TET3: variants seen among roughly 807,000 people sequenced by gnomAD.
TET3 encodes methylcytosine dioxygenase TET3.
TET3 carries 19 observed loss-of-function variants against 141.4 expected under a neutral mutation model. The ratio of observed to expected loss-of-function variants is 0.13; its 90% CI spans 0.09 to 0.20. The LOEUF (loss-of-function observed/expected upper bound fraction) is 0.20, where lower values mean the gene tolerates loss of function less well. Ranked by LOEUF, TET3 falls within the 10% of genes least tolerant of loss-of-function variation. The probability of loss-of-function intolerance (pLI) is 1.00; values close to 1 mark genes in which losing one functional copy is unlikely to be tolerated. For missense variants in TET3, 1,874 were observed against 2,356.9 expected, an observed-to-expected ratio of 0.80 and a Z score of 4.24; for synonymous variants, 1,043 against 980.9, an observed-to-expected ratio of 1.06 and a Z score of -1.18.
intron 3 of TET3, among the ~76,000 whole-genome samples, chr2:74,011,992 G>A (rs1685460403): frequency 6.6e-6 from 1 of 152,128 alleles, no homozygotes; most frequent in Non-Finnish European, 1.5e-5. Context: ...ACAGGGTCTG[G>A]CCCTGCCGCC....
intron 2 of TET3, among the ~76,000 whole-genome samples, chr2:74,001,535 T>G (rs1392184712): frequency 6.6e-6 from 1 of 152,158 alleles, no homozygotes; most frequent in African/African-American, 2.4e-5. Flanking sequence ...TACAACCAGC[T>G]AGGTAGTGAT....
chr2:74,123,678 C>T, the TET3 span, among the ~76,000 whole-genome samples: 1 of 152,176 alleles, frequency 6.6e-6, no homozygotes, highest in Non-Finnish European at 1.5e-5. Context: ...CCGGCCACCA[C>T]CCCGTCTGGG....
At position 74,105,583 on chromosome 2, in the gene TET3, C is replaced by T. The variant is rs1334060982; in HGVS notation, c.*3407C>T. The T allele has an allele frequency of 7.6e-6, 3 of 394,644 alleles. No homozygotes were observed. Among genetic ancestry groups the T allele is most frequent in the Non-Finnish European group, 1.3e-5 (3 of 223,326 alleles). 24.4% of individuals were successfully genotyped at this position (394,644 alleles called of 1,614,324 possible). On this transcript the variant is annotated 3_prime_UTR_variant, in exon 12 of 12. Coordinates refer to ENST00000409262, the MANE Select transcript of TET3 (RefSeq NM_001287491.2). ...TCATGGGTACTGCTTTGCCTTCTCA[C>T]CAAGGTGACGATGGTGTGCGTGGAA...
chr2:74,034,575 T>TAA lies in TET3; in HGVS notation c.361-11685_361-11684dup, dbSNP rs57991784. The stretch of plus-strand genomic sequence containing the variant: ...ACATATGTAGTCCTCGAGCATTGAT[T>TAA]AAAAAAAAAAAAAAAAAAACCCTGT... On this transcript the variant is annotated intron_variant, in intron 3 of 11. Coordinates refer to ENST00000409262, the MANE Select transcript of TET3 (RefSeq NM_001287491.2). 8.9e-3 allele frequency among the ~76,000 whole-genome samples: 1,155 copies of TAA among 130,038 alleles called. 35 individuals are homozygous for TAA. In the East Asian group the frequency reaches 0.11, roughly 13 times the overall value. The allele number at this position is 130,038 out of a possible 152,430, so 85.3% of individuals were successfully genotyped here. A position where few individuals can be genotyped will look rare whatever the true frequency, so the allele number is the denominator to read the frequency against.
chr2:74,099,671 C>T, intron 11 of TET3, 59 bp downstream of exon 11: 1 of 1,457,416 alleles, frequency 6.9e-7, no homozygotes, highest in Non-Finnish European at 9.2e-7. Context: ...ATGGGGGCCC[C>T]TGCTCTTCCA....
intron 3 of TET3, among the ~76,000 whole-genome samples, chr2:74,014,089 A>G (rs1393604938): frequency 6.6e-6 from 1 of 152,098 alleles, no homozygotes; most frequent in Admixed American, 6.5e-5. Flanking sequence ...GTAATTTAAA[A>G]GCACACAGAT....
chr2:74,038,415 G>A (rs1687178880), intron 3 of TET3, among the ~76,000 whole-genome samples: 1 of 152,186 alleles, frequency 6.6e-6, no homozygotes, highest in African/African-American at 2.4e-5. Context: ...CCCCCTTTCA[G>A]TGATATTGTG....
At chr2:74,133,550 G>C in the TET3 span, among the ~76,000 whole-genome samples, 1 of 152,270 alleles carries the variant, frequency 6.6e-6, no homozygotes, top group East Asian at 1.9e-4. Flanking sequence ...ACTGTTGGCA[G>C]GTCTGTTTGA....
chr2:73,984,681 C>T (rs1285059728), upstream of TET3, among the ~76,000 whole-genome samples: 1 of 151,764 alleles, frequency 6.6e-6, no homozygotes, highest in Non-Finnish European at 1.5e-5. The surrounding 1 kb of genome is among the most constrained non-coding windows in gnomAD (Gnocchi z 5.6). Context: ...GAGGGCCGAC[C>T]GCGTGGGTGG....
At chr2:74,090,312 T>C (rs1220810251) in intron 8 of TET3, among the ~76,000 whole-genome samples, 2 of 152,314 alleles carry the variant, frequency 1.3e-5, no homozygotes, top group Middle Eastern at 3.4e-3. Context: ...ACTCCAAATA[T>C]CGAAGATACA....
intron 10 of TET3, among the ~76,000 whole-genome samples, chr2:74,094,021 T>C (rs1690660643): frequency 6.6e-6 from 1 of 152,176 alleles, no homozygotes; most frequent in Admixed American, 6.5e-5. Flanking sequence ...GACAAATGTG[T>C]ATTGAGTACC....
chr2:74,047,445 G>A lies in TET3; in HGVS notation c.1528G>A (p.Glu510Lys). 2 of 1,612,532 alleles carry A rather than the reference G, an allele frequency of 1.2e-6. No homozygotes were observed. The highest frequency in any genetic ancestry group is 1.1e-5 in the South Asian group (1 of 91,010). The change falls in exon 4 of 12, where the codon GAG (glutamate) becomes AAG (lysine). Residue 510 changes from glutamate (E) to lysine (K), a missense_variant. By Grantham distance (56) the Glu-to-Lys change is moderately conservative. Transcript: ENST00000409262. ...APAPSPVLQR[E>K]APTPSSEPDT... is the part of the protein sequence containing the mutation. ...GGCCCCATCCCCTGTACTTCAGAGG[G>A]AGGCTCCCACGCCATCCTCGGAGCC...
At chr2:74,120,719 T>C in the TET3 span, 2 of 152,366 alleles carry the variant, frequency 1.3e-5, no homozygotes, top group African/African-American at 2.4e-5. Context: ...AAATCGATAG[T>C]CTTGAGAAAT....
intron 8 of TET3, among the ~76,000 whole-genome samples, chr2:74,091,548 G>A (rs922488045): frequency 6.6e-6 from 1 of 152,224 alleles, no homozygotes; most frequent in African/African-American, 2.4e-5. Context: ...CTCACCCCCT[G>A]CTGTGCTGGT....
chr2:74,059,665 A>T (rs1484118686), intron 4 of TET3, among the ~76,000 whole-genome samples: 3 of 150,936 alleles, frequency 2.0e-5, no homozygotes, highest in Non-Finnish European at 4.4e-5. Flanking sequence ...TGATCCCCAC[A>T]CCTCCCAAGT....
At chr2:74,057,320 T>C (rs1344482240) in intron 4 of TET3, among the ~76,000 whole-genome samples, 1 of 152,032 alleles carries the variant, frequency 6.6e-6, no homozygotes, top group African/African-American at 2.4e-5. Context: ...AACATACACA[T>C]AAAAATTTAG....
chr2:74,061,575 G>A (rs1223567505), intron 4 of TET3, among the ~76,000 whole-genome samples: 2 of 147,870 alleles, frequency 1.4e-5, no homozygotes, highest in Non-Finnish European at 3.0e-5. Context: ...CCCGGACGGG[G>A]CGGCTGGCCG....
intron 3 of TET3, among the ~76,000 whole-genome samples, chr2:74,036,298 G>A (rs949760419): frequency 2.6e-5 from 4 of 152,286 alleles, no homozygotes; most frequent in Admixed American, 2.6e-4. Flanking sequence ...CGTAATAGGT[G>A]TAAAATGGAA....
intron 8 of TET3, among the ~76,000 whole-genome samples, chr2:74,090,595 C>CGCTAGG (rs1443186648): frequency 6.6e-6 from 1 of 152,212 alleles, no homozygotes; most frequent in African/African-American, 2.4e-5. Context: ...ACAGTATGAC[C>CGCTAGG]GCTAGGCACG....
Sources: allele counts gnomAD v4.1 joint callset (sites outside exome capture counted in the v4.1 genomes callset), GRCh38; gene constraint gnomAD v4.1.1; non-coding constraint Gnocchi (gnomAD v3.1); transcripts MANE v1.5; gene names NCBI Gene and HGNC (gene_info 2026-07-23, HGNC 2026-07-21).